Variants in AP3S1 observed in about 807,000 individuals in gnomAD.
AP3S1 encodes AP-3 complex subunit sigma-1.
Under a neutral mutation model 21.3 loss-of-function variants are expected in AP3S1, and 12 were observed. The observed-to-expected ratio is 0.56, with a 90% confidence interval of 0.36 to 0.91. AP3S1 has a LOEUF of 0.91. Ranked by LOEUF, AP3S1 falls within the 40% of genes least tolerant of loss-of-function variation. The pLI, the probability that AP3S1 is intolerant of heterozygous loss-of-function variation, is 0.01. For missense variants in AP3S1, 116 were observed against 225.0 expected, an observed-to-expected ratio of 0.52 and a Z score of 3.10; for synonymous variants, 48 against 78.4, an observed-to-expected ratio of 0.61 and a Z score of 2.05.
At chr5:115,889,022 C>A (rs1227664903) in intron 3 of AP3S1, among the ~76,000 whole-genome samples, 19 of 152,174 alleles carry the variant, frequency 1.2e-4, no homozygotes, top group Non-Finnish European at 2.6e-4. Context: ...TTCCTGGTTT[C>A]AAAGCATGTA....
At chr5:115,852,693 TC>T (rs1762523747) in intron 1 of AP3S1, among the ~76,000 whole-genome samples, 1 of 152,174 alleles carries the variant, frequency 6.6e-6, no homozygotes, top group Non-Finnish European at 1.5e-5. Context: ...TTCTGAACAT[TC>T]TATATAAATG....
In AP3S1 at chr5:115,866,100, C is replaced by T. The variant is rs181221093; in HGVS notation, c.70-570C>T. Among the ~76,000 whole-genome samples, 578 of 152,142 alleles carry T rather than the reference C, an allele frequency of 3.8e-3. 2 individuals are homozygous for T. The highest frequency in any genetic ancestry group is 0.013 in the African/African-American group (527 of 41,538). On this transcript the variant is annotated intron_variant, in intron 1 of 5. Transcript: ENST00000316788. ...CATGAGCCACTGTGCCCGGCCAGGA[C>T]GCTGACTCTTACTGGAATATGAATT...
chr5:115,850,073 T>G (rs543724077), intron 1 of AP3S1, among the ~76,000 whole-genome samples: 83 of 152,240 alleles, frequency 5.5e-4, no homozygotes, highest in Non-Finnish European at 9.4e-4. Flanking sequence ...AGAGTTTATG[T>G]GAAGCCCACT....
chr5:115,888,019 A>T (rs1749951557), intron 3 of AP3S1, among the ~76,000 whole-genome samples: 1 of 152,140 alleles, frequency 6.6e-6, no homozygotes, highest in Non-Finnish European at 1.5e-5. Context: ...ATTAAAATGC[A>T]GGACAATTTA....
intron 1 of AP3S1, among the ~76,000 whole-genome samples, chr5:115,851,839 T>C (rs1472700402): frequency 6.6e-6 from 1 of 152,110 alleles, no homozygotes; most frequent in Admixed American, 6.6e-5. Flanking sequence ...GTTTTTGTTG[T>C]TGTTGTTGTT....
At chr5:115,909,021 G>C in intron 5 of AP3S1, 1 of 982,838 alleles carries the variant, frequency 1.0e-6, no homozygotes, top group Non-Finnish European at 1.2e-6. Context: ...CCAGCAGGAA[G>C]GGTGGGTAAA....
chr5:115,857,748 T>TCC (rs2112800695), intron 1 of AP3S1, among the ~76,000 whole-genome samples: 1 of 152,340 alleles, frequency 6.6e-6, no homozygotes, highest in East Asian at 1.9e-4. Flanking sequence ...AAAATGATTA[T>TCC]TTGGCTGTCC....
chr5:115,882,772 C>T (rs994292143), intron 3 of AP3S1, among the ~76,000 whole-genome samples: 5 of 152,186 alleles, frequency 3.3e-5, no homozygotes, highest in South Asian at 2.1e-4. Context: ...CAGGCATGAA[C>T]GTTTAAGTCT....
chr5:115,851,652 A>C (rs893907880), intron 1 of AP3S1, among the ~76,000 whole-genome samples: 1 of 151,958 alleles, frequency 6.6e-6, no homozygotes, highest in Non-Finnish European at 1.5e-5. Flanking sequence ...TGCCCATTTT[A>C]ATATTCAGTT....
chr5:115,883,788 T>A (rs912038611), intron 3 of AP3S1, among the ~76,000 whole-genome samples: 1 of 152,252 alleles, frequency 6.6e-6, no homozygotes, highest in Non-Finnish European at 1.5e-5. Context: ...CAGCTTTTGC[T>A]TGGGAGTTTA....
At chr5:115,900,116 G>A (rs906155934) in intron 4 of AP3S1, among the ~76,000 whole-genome samples, 6 of 152,088 alleles carry the variant, frequency 3.9e-5, no homozygotes, top group African/African-American at 1.4e-4. Context: ...AAAGTGCACA[G>A]AATGAAATAA....
At chr5:115,883,372 A>C (rs1749479360) in intron 3 of AP3S1, among the ~76,000 whole-genome samples, 1 of 152,208 alleles carries the variant, frequency 6.6e-6, no homozygotes. Flanking sequence ...CGGGTTGCAA[A>C]GACCATGGGA....
intron 5 of AP3S1, among the ~76,000 whole-genome samples, chr5:115,905,772 A>G (rs1030898173): frequency 6.6e-6 from 1 of 152,232 alleles, no homozygotes; most frequent in Admixed American, 6.5e-5. Flanking sequence ...ACTCTGCAGA[A>G]TAATCCAAAA....
intron 3 of AP3S1, among the ~76,000 whole-genome samples, chr5:115,886,231 A>G (rs1371560396): frequency 6.6e-6 from 1 of 152,166 alleles, no homozygotes; most frequent in Non-Finnish European, 1.5e-5. Context: ...ATGCCACAAT[A>G]CTGTGTAGAG....
At chr5:115,910,814 T>G (rs1580757388) in intron 5 of AP3S1, among the ~76,000 whole-genome samples, 2 of 152,318 alleles carry the variant, frequency 1.3e-5, no homozygotes, top group South Asian at 4.1e-4. Context: ...TATGATTTCT[T>G]TTTAAAACGT....
At chr5:115,868,932 GGGAGGGAAGGAA>G (rs1747953391) in intron 2 of AP3S1, among the ~76,000 whole-genome samples, 1 of 80,892 alleles carries the variant, frequency 1.2e-5, no homozygotes. Flanking sequence ...AAGGGAGGGA[GGGAGGGAAGGAA>G]GGAAGGAAGG....
At chr5:115,885,026 C>T (rs1221959352) in intron 3 of AP3S1, among the ~76,000 whole-genome samples, 1 of 152,206 alleles carries the variant, frequency 6.6e-6, no homozygotes, top group Non-Finnish European at 1.5e-5. Flanking sequence ...TTACTTCTTT[C>T]TACTTCCAGA....
At chr5:115,908,781 A>G (rs923603303) in intron 5 of AP3S1, among the ~76,000 whole-genome samples, 1 of 152,186 alleles carries the variant, frequency 6.6e-6, no homozygotes, top group South Asian at 2.1e-4. Context: ...AAGCACTGCC[A>G]TTAAAACAAA....
chr5:115,906,203 A>G lies in AP3S1; in HGVS notation c.453+3211A>G, dbSNP rs571943407. On this transcript the variant is annotated intron_variant, in intron 5 of 5. Transcript: ENST00000316788. Reference sequence around the variant, plus strand: ...AGACTTGTTTAAAATCGAGAATGTCATGATTGATGAAAAGAACTGGTTATC... The same window carrying G: ...AGACTTGTTTAAAATCGAGAATGTCGTGATTGATGAAAAGAACTGGTTATC... 2.6e-5 allele frequency among the ~76,000 whole-genome samples: 4 copies of G among 152,322 alleles called. No homozygotes were observed. In the East Asian group the frequency reaches 5.8e-4, roughly 22 times the overall value.
Sources: allele counts gnomAD v4.1 joint callset (sites outside exome capture counted in the v4.1 genomes callset), GRCh38; gene constraint gnomAD v4.1.1; transcripts MANE v1.5; gene names NCBI Gene and HGNC (gene_info 2026-07-23, HGNC 2026-07-21).